ABCA13: variants seen among roughly 807,000 people sequenced by gnomAD.
ABCA13 encodes the protein ATP binding cassette subfamily A member 13.
In ABCA13, 476 loss-of-function variants were observed where a neutral mutation model predicts 478.7. The ratio of observed to expected loss-of-function variants is 0.99; its 90% CI spans 0.92 to 1.07. The LOEUF (loss-of-function observed/expected upper bound fraction) is 1.07, where lower values mean the gene tolerates loss of function less well. ABCA13 is among the 50% of genes least tolerant of loss of function. The probability of loss-of-function intolerance (pLI) is 0.00; values close to 1 mark genes in which losing one functional copy is unlikely to be tolerated. For synonymous variants in ABCA13, 2,252 were observed against 2,158.9 expected (o/e 1.04, Z -1.20); for missense variants, 6,060 against 5,910.6 (o/e 1.03, Z -0.83).
intron 19 of ABCA13, among the ~76,000 whole-genome samples, chr7:48,283,690 T>C (rs940772457): frequency 3.3e-5 from 5 of 152,336 alleles, no homozygotes; most frequent in East Asian, 1.9e-4. Context: ...ACTCGTGGTC[T>C]GTAAGGCTGC....
At chr7:48,291,054 G>A (rs1170868274) in intron 20 of ABCA13, among the ~76,000 whole-genome samples, 1 of 151,998 alleles carries the variant, frequency 6.6e-6, no homozygotes, top group Non-Finnish European at 1.5e-5. Context: ...GGAGTCTTGA[G>A]GCTGGACCTA....
At chr7:48,593,427 T>C (rs780809257) in intron 57 of ABCA13, among the ~76,000 whole-genome samples, 9 of 151,932 alleles carry the variant, frequency 5.9e-5, no homozygotes, top group Non-Finnish European at 1.0e-4. Context: ...CATTTTATGT[T>C]TTAGATGTCA....
chr7:48,278,689 T>C lies in ABCA13; in HGVS notation c.7495T>C (p.Ser2499Pro). The C allele has an allele frequency of 6.2e-7, 1 of 1,613,888 alleles. No individual in the cohort carries two copies. ...CGTCCTGAAACCCCTCTTAGAAATG[T>C]CTGGGACTCTGGTCATGCTGTTGAA... ...SHVLKPLLEM[S>P]GTLVMLLNDS... Residue 2499 changes from serine to proline, a missense_variant, in exon 18 of 62, where the codon TCT (serine) becomes CCT (proline). Around this residue, in one of 3 missense-constraint regions of ABCA13, gnomAD observed 4,423 missense variants for 4,309.1 expected, o/e 1.03. Transcript: ENST00000435803.
intron 42 of ABCA13, among the ~76,000 whole-genome samples, chr7:48,433,955 T>A (rs1403949057): frequency 6.6e-6 from 1 of 152,094 alleles, no homozygotes; most frequent in Non-Finnish European, 1.5e-5. Context: ...ATCTTTAAGT[T>A]ACTGTAATAA....
intron 19 of ABCA13, among the ~76,000 whole-genome samples, chr7:48,286,315 T>C (rs1167621328): frequency 1.3e-5 from 2 of 152,214 alleles, no homozygotes; most frequent in South Asian, 4.1e-4. Flanking sequence ...AAAAATCCTC[T>C]GTGCTCTGCC....
chr7:48,203,056 C>T (rs1379510394), intron 3 of ABCA13, among the ~76,000 whole-genome samples: 2 of 152,230 alleles, frequency 1.3e-5, no homozygotes, highest in African/African-American at 2.4e-5. Context: ...AGGCCTGCCC[C>T]ACGGGAAGGC....
intron 55 of ABCA13, among the ~76,000 whole-genome samples, chr7:48,534,003 G>C (rs990174296): frequency 1.3e-5 from 2 of 151,842 alleles, no homozygotes; most frequent in Non-Finnish European, 2.9e-5. Flanking sequence ...TTCAATGTTA[G>C]TACTATTTGT....
chr7:48,596,652 G>A (rs1011364606), intron 58 of ABCA13, among the ~76,000 whole-genome samples: 1 of 151,930 alleles, frequency 6.6e-6, no homozygotes, highest in Non-Finnish European at 1.5e-5. Context: ...CAAAAAATTA[G>A]CCAGGCGTGG....
chr7:48,240,771 T>A, intron 9 of ABCA13, 96 bp from the exon 10 acceptor site: 1 of 971,242 alleles, frequency 1.0e-6, no homozygotes, highest in Non-Finnish European at 1.4e-6. Context: ...ATTGGCTGTC[T>A]GTCATCTAGA....
chr7:48,594,736 C>T lies in ABCA13; in HGVS notation c.14667C>T (p.Pro4889=), dbSNP rs373560682. 4.0e-5 allele frequency: 65 copies of T among 1,613,928 alleles called. No homozygotes were observed. Among genetic ancestry groups the T allele is most frequent in the Middle Eastern group, 3.3e-4 (2 of 6,062 alleles). The change falls in exon 58 of 62, where the codon CCC becomes CCT. Residue 4889 remains proline, a synonymous_variant. Transcript: ENST00000435803. ...ATGAGCCCAGCTCTGGGATGGATCC[C>T]TGCTCTAAGCGGTACCTGTGGCAAA... ...LLDEPSSGMD[P]CSKRYLWQTI...
intron 31 of ABCA13, among the ~76,000 whole-genome samples, chr7:48,362,740 A>G (rs1225049591): frequency 6.6e-6 from 1 of 151,964 alleles, no homozygotes; most frequent in Non-Finnish European, 1.5e-5. Context: ...ATCACAAGCA[A>G]TAAAAACTTA....
intron 13 of ABCA13, among the ~76,000 whole-genome samples, chr7:48,246,881 A>G (rs1791775971): frequency 6.6e-6 from 1 of 152,130 alleles, no homozygotes; most frequent in African/African-American, 2.4e-5. Flanking sequence ...TGAGCCTTAG[A>G]TGAGGTGTAA....
chr7:48,514,847 G>A (rs1831988811), intron 51 of ABCA13, among the ~76,000 whole-genome samples: 1 of 152,118 alleles, frequency 6.6e-6, no homozygotes, highest in African/African-American at 2.4e-5. Context: ...GTCTTATGTA[G>A]CAACTGTTTT....
chr7:48,490,618 T>C (rs1338520258), intron 48 of ABCA13, among the ~76,000 whole-genome samples: 1 of 152,230 alleles, frequency 6.6e-6, no homozygotes, highest in South Asian at 2.1e-4. Context: ...AAAGCCATTC[T>C]AGGTCTTAGC....
chr7:48,474,775 T>C (rs1445220498), intron 45 of ABCA13, among the ~76,000 whole-genome samples: 1 of 152,194 alleles, frequency 6.6e-6, no homozygotes, highest in Non-Finnish European at 1.5e-5. Context: ...ACCACGCTCT[T>C]ATTCTCTAGC....
chr7:48,218,909 C>T (rs1786898596), intron 3 of ABCA13, among the ~76,000 whole-genome samples: 2 of 152,112 alleles, frequency 1.3e-5, no homozygotes, highest in South Asian at 2.1e-4. Context: ...TTCATTTTCA[C>T]TATGTTCTCT....
Position 48,278,904 on chromosome 7 carries a change from G to A in ABCA13, c.7710G>A (p.Val2570=), listed in dbSNP as rs1263715457. 6.2e-7 allele frequency: 1 copy of A among 1,613,228 alleles called. No individual in the cohort carries two copies. The highest frequency in any genetic ancestry group is 8.5e-7 in the Non-Finnish European group (1 of 1,179,844). The change falls in exon 18 of 62, where the codon GTG becomes GTA. Residue 2570 remains valine (V), a synonymous_variant. Coordinates refer to ENST00000435803, the MANE Select transcript of ABCA13 (RefSeq NM_152701.5). The stretch of plus-strand genomic sequence containing the variant: ...TGCAACAAAGTGTTCAAAATCTTGT[G>A]AAAGAAATAGCTACTTTAAAAAAAA... The part of the protein sequence containing the change: ...SIMQQSVQNL[V]KEIATLKKID...
intron 59 of ABCA13, among the ~76,000 whole-genome samples, chr7:48,629,042 C>A (rs1204725264): frequency 3.3e-5 from 5 of 152,214 alleles, no homozygotes; most frequent in African/African-American, 4.8e-5. Context: ...TCAAAACAGT[C>A]TGCATTATTC....
chr7:48,321,327 T>A (rs1412873093), intron 27 of ABCA13, among the ~76,000 whole-genome samples: 1 of 152,254 alleles, frequency 6.6e-6, no homozygotes, highest in Non-Finnish European at 1.5e-5. Context: ...GGGTATATAA[T>A]GCCAGACGGG....
Sources: allele counts gnomAD v4.1 joint callset (sites outside exome capture counted in the v4.1 genomes callset), GRCh38; gene constraint gnomAD v4.1.1; regional missense constraint gnomAD v4.1.1; transcripts MANE v1.5; gene names NCBI Gene and HGNC (gene_info 2026-07-23, HGNC 2026-07-21).